Variants in CNTN4 observed in about 807,000 individuals in gnomAD.
CNTN4 encodes the protein contactin 4.
Under a neutral mutation model 122.5 loss-of-function variants are expected in CNTN4, and 77 were observed. That is an observed-to-expected ratio of 0.63 (90% CI 0.52 to 0.76). The LOEUF is 0.76. Ranked by LOEUF, CNTN4 falls within the 30% of genes least tolerant of loss-of-function variation. The pLI, the probability that CNTN4 is intolerant of heterozygous loss-of-function variation, is 0.00. For synonymous variants in CNTN4, 512 were observed against 447.0 expected (o/e 1.15, Z -1.83); for missense variants, 1,256 against 1,259.1 (o/e 1.00, Z 0.04).
chr3:2,786,698 A>T (rs981899145), intron 6 of CNTN4, among the ~76,000 whole-genome samples: 109 of 152,228 alleles, frequency 7.2e-4, no homozygotes, highest in African/African-American at 2.5e-3. Flanking sequence ...AAATTTTTTT[A>T]AAAAGCTTCT....
intron 2 of CNTN4, among the ~76,000 whole-genome samples, chr3:2,137,862 A>G (rs988299555): frequency 5.3e-5 from 8 of 152,266 alleles, no homozygotes; most frequent in Admixed American, 2.0e-4. Flanking sequence ...GAGTGTTGCA[A>G]CTGCCTGTGT....
At chr3:2,888,258 G>A (rs74947141) in intron 10 of CNTN4, among the ~76,000 whole-genome samples, 5,039 of 152,190 alleles carry the variant, frequency 0.033, 150 homozygotes, top group African/African-American at 0.08. Context: ...TGAGTTCTTG[G>A]CCATGATGGG....
intron 3 of CNTN4, among the ~76,000 whole-genome samples, chr3:2,552,853 AT>A (rs753764962): frequency 1.3e-5 from 2 of 152,168 alleles, no homozygotes; most frequent in Admixed American, 6.5e-5. Flanking sequence ...AGTCAGTGAA[AT>A]TTGACTGCAG....
At chr3:2,776,024 T>C (rs1310676074) in intron 6 of CNTN4, among the ~76,000 whole-genome samples, 1 of 152,208 alleles carries the variant, frequency 6.6e-6, no homozygotes. Context: ...TCATAGCATA[T>C]TTATTGCATG....
chr3:2,357,205 C>T (rs534410731), intron 3 of CNTN4, among the ~76,000 whole-genome samples: 27 of 152,228 alleles, frequency 1.8e-4, no homozygotes, highest in African/African-American at 6.0e-4. Context: ...GTAGCAATGA[C>T]GTTAAGATAC....
intron 16 of CNTN4, among the ~76,000 whole-genome samples, chr3:3,032,486 T>G (rs1347248257): frequency 6.6e-6 from 1 of 152,264 alleles, no homozygotes; most frequent in Non-Finnish European, 1.5e-5. Flanking sequence ...GGCCAATAAA[T>G]TAATGTGCCA....
intron 13 of CNTN4, among the ~76,000 whole-genome samples, chr3:2,933,595 G>A (rs1475004284): frequency 1.3e-5 from 2 of 152,110 alleles, no homozygotes; most frequent in East Asian, 1.9e-4. Context: ...TTTCTTTCAC[G>A]CTAGTAAAGG....
chr3:2,965,463 CA>C (rs1053528177), intron 13 of CNTN4, among the ~76,000 whole-genome samples: 2 of 152,196 alleles, frequency 1.3e-5, no homozygotes, highest in Non-Finnish European at 2.9e-5. Flanking sequence ...GTGACCAACG[CA>C]ACTGAGGAAG....
chr3:2,113,251 T>C (rs2033098968), intron 2 of CNTN4, among the ~76,000 whole-genome samples: 1 of 152,188 alleles, frequency 6.6e-6, no homozygotes, highest in African/African-American at 2.4e-5. Context: ...GAGTTTGATA[T>C]TGATCTTTGA....
intron 4 of CNTN4, among the ~76,000 whole-genome samples, chr3:2,694,374 C>G (rs1465192739): frequency 2.6e-5 from 4 of 152,172 alleles, no homozygotes; most frequent in Non-Finnish European, 4.4e-5. Flanking sequence ...ACTTATAGAT[C>G]TAGAGTTTCT....
chr3:2,718,375 C>G (rs766079927), intron 4 of CNTN4, among the ~76,000 whole-genome samples: 1 of 151,840 alleles, frequency 6.6e-6, no homozygotes, highest in Non-Finnish European at 1.5e-5. Context: ...GATATTTTGC[C>G]CAGAGTAGAA....
chr3:2,958,733 G>T (rs986598058), intron 13 of CNTN4, among the ~76,000 whole-genome samples: 2 of 152,142 alleles, frequency 1.3e-5, no homozygotes, highest in Admixed American at 1.3e-4. Context: ...TCATAAAAGA[G>T]GCAACACTTA....
intron 6 of CNTN4, among the ~76,000 whole-genome samples, chr3:2,778,902 C>T (rs999260018): frequency 6.6e-6 from 1 of 152,190 alleles, no homozygotes. Flanking sequence ...ATTCCCAGGG[C>T]TGTAATGCTG....
At chr3:2,700,598 T>A (rs2086299122) in intron 4 of CNTN4, among the ~76,000 whole-genome samples, 1 of 151,974 alleles carries the variant, frequency 6.6e-6, no homozygotes, top group Non-Finnish European at 1.5e-5. Context: ...TAAGTTGGTT[T>A]GAAATTAGCC....
At chr3:2,797,504 A>G (rs1366759227) in intron 6 of CNTN4, among the ~76,000 whole-genome samples, 1 of 152,156 alleles carries the variant, frequency 6.6e-6, no homozygotes, top group Admixed American at 6.5e-5. Flanking sequence ...AGACTGAGGC[A>G]GGAGAATCAC....
chr3:2,732,008 C>T (rs773283131), intron 4 of CNTN4, among the ~76,000 whole-genome samples: 2 of 152,148 alleles, frequency 1.3e-5, no homozygotes, highest in African/African-American at 2.4e-5. Context: ...TTGACACATT[C>T]ATGTGAGTCA....
intron 7 of CNTN4, among the ~76,000 whole-genome samples, chr3:2,856,149 T>C (rs2093615719): frequency 6.6e-6 from 1 of 152,214 alleles, no homozygotes; most frequent in Non-Finnish European, 1.5e-5. Flanking sequence ...TAAGTTGATT[T>C]CACAAAAGTA....
chr3:2,258,633 C>G (rs1464269002), intron 2 of CNTN4, among the ~76,000 whole-genome samples: 1 of 152,146 alleles, frequency 6.6e-6, no homozygotes, highest in African/African-American at 2.4e-5. Flanking sequence ...ATAATTGGCT[C>G]TGAACTTCCT....
intron 3 of CNTN4, among the ~76,000 whole-genome samples, chr3:2,518,170 T>C (rs2077091981): frequency 6.6e-6 from 1 of 152,178 alleles, no homozygotes; most frequent in African/African-American, 2.4e-5. Context: ...ACTTTTAAAC[T>C]TTCTTACCTA....
Sources: gnomAD v4.1 joint callset for allele counts (sites outside exome capture counted in the v4.1 genomes callset) on GRCh38, gnomAD v4.1.1 for gene constraint, MANE v1.5 for transcripts, NCBI Gene and HGNC (gene_info 2026-07-23, HGNC 2026-07-21) for gene names.